Variants in CSNK1G3 observed in about 807,000 individuals in gnomAD.
The protein encoded by CSNK1G3 is casein kinase I isoform gamma-3.
A neutral mutation model predicts 64.3 loss-of-function variants in CSNK1G3; 23 were observed. The ratio of observed to expected loss-of-function variants is 0.36; its 90% CI spans 0.26 to 0.51. The LOEUF is 0.51. Among genes scored for constraint, CSNK1G3 ranks in the 20% least tolerant of loss-of-function variants. The pLI is 0.96. For synonymous variants in CSNK1G3, 158 were observed against 162.2 expected, an observed-to-expected ratio of 0.97 and a Z score of 0.20; for missense variants, 357 against 510.5, an observed-to-expected ratio of 0.70 and a Z score of 2.90.
At chr5:123,599,768 T>C (rs1333632418) in intron 10 of CSNK1G3, among the ~76,000 whole-genome samples, 1 of 152,138 alleles carries the variant, frequency 6.6e-6, no homozygotes, top group Non-Finnish European at 1.5e-5. Context: ...AGTATGGTTA[T>C]GTGCCTTTAT....
At chr5:123,516,124 C>T (rs1237383372) in intron 1 of CSNK1G3, among the ~76,000 whole-genome samples, 2 of 151,890 alleles carry the variant, frequency 1.3e-5, no homozygotes, top group Non-Finnish European at 2.9e-5. Context: ...TAGTATGTGT[C>T]TGAGTGTTGG....
At chr5:123,606,966 T>TA (rs1795470882) in intron 12 of CSNK1G3, among the ~76,000 whole-genome samples, 1 of 152,174 alleles carries the variant, frequency 6.6e-6, no homozygotes, top group Admixed American at 6.6e-5. Context: ...CTTGTAAAGA[T>TA]AAAGATTACT....
chr5:123,521,428 C>G (rs1778083664), intron 1 of CSNK1G3, among the ~76,000 whole-genome samples: 1 of 152,052 alleles, frequency 6.6e-6, no homozygotes, highest in African/African-American at 2.4e-5. Flanking sequence ...AAAATATAAT[C>G]AGCTCCTTAA....
At chr5:123,575,025 T>C (rs1373227635) in intron 5 of CSNK1G3, among the ~76,000 whole-genome samples, 1 of 152,210 alleles carries the variant, frequency 6.6e-6, no homozygotes, top group Non-Finnish European at 1.5e-5. Context: ...TAACCATGAT[T>C]ATCACTAAAT....
chr5:123,517,956 C>T (rs527528607), intron 1 of CSNK1G3, among the ~76,000 whole-genome samples: 30 of 149,312 alleles, frequency 2.0e-4, no homozygotes, highest in African/African-American at 6.1e-4. Flanking sequence ...AAAGGAAGAT[C>T]CTGTTATTCC....
chr5:123,523,412 C>T (rs1296099076), intron 1 of CSNK1G3, among the ~76,000 whole-genome samples: 2 of 152,142 alleles, frequency 1.3e-5, no homozygotes, highest in East Asian at 3.8e-4. Flanking sequence ...GGAACACCCT[C>T]AGCAGTTACA....
At chr5:123,612,520 C>T (rs542084780) in intron 12 of CSNK1G3, among the ~76,000 whole-genome samples, 59 of 151,562 alleles carry the variant, frequency 3.9e-4, no homozygotes, top group Non-Finnish European at 6.0e-4. Flanking sequence ...CTCTGTCGCC[C>T]AGGCTGGAGT....
At position 123,591,424 on chromosome 5, in the gene CSNK1G3, C is replaced by A; in HGVS notation, c.1086+10C>A. On this transcript the variant is annotated intron_variant, in intron 10 of 12. Coordinates refer to ENST00000345990, the Ensembl canonical transcript of CSNK1G3. ...ACAATCCAAAAACCAGGTTTGCTGC[C>A]CTTTAGATATGAAATACCTTCCTTT... 6.3e-7 allele frequency: 1 copy of A among 1,583,262 alleles called. No individual in the cohort carries two copies. The highest frequency in any genetic ancestry group is 8.6e-7 in the Non-Finnish European group (1 of 1,158,926).
At chr5:123,536,850 A>G (rs1780918036) in intron 1 of CSNK1G3, among the ~76,000 whole-genome samples, 1 of 152,154 alleles carries the variant, frequency 6.6e-6, no homozygotes, top group African/African-American at 2.4e-5. Context: ...CAGCATCACA[A>G]ATCATCAGGG....
chr5:123,613,376 A>G (rs1482593704), intron 12 of CSNK1G3, among the ~76,000 whole-genome samples: 1 of 150,348 alleles, frequency 6.7e-6, no homozygotes, highest in Non-Finnish European at 1.5e-5. Flanking sequence ...TCTCAAGGAG[A>G]TGGGGTAACA....
At chr5:123,558,173 T>A (rs931864368) in intron 4 of CSNK1G3, among the ~76,000 whole-genome samples, 4 of 152,140 alleles carry the variant, frequency 2.6e-5, no homozygotes, top group African/African-American at 7.2e-5. Context: ...ATGAAACTGA[T>A]TTCAGACTCT....
chr5:123,525,586 T>C (rs1778910887), intron 1 of CSNK1G3, among the ~76,000 whole-genome samples: 1 of 151,754 alleles, frequency 6.6e-6, no homozygotes, highest in African/African-American at 2.4e-5. Flanking sequence ...TGAGGCACCA[T>C]GCCTGGCAGT....
At chr5:123,530,403 G>A (rs2150083941) in intron 1 of CSNK1G3, among the ~76,000 whole-genome samples, 2 of 152,174 alleles carry the variant, frequency 1.3e-5, no homozygotes. Flanking sequence ...ATGTTTTGAT[G>A]ATACTCCTGT....
At chr5:123,534,123 G>A (rs1180864689) in intron 1 of CSNK1G3, among the ~76,000 whole-genome samples, 2 of 151,898 alleles carry the variant, frequency 1.3e-5, no homozygotes, top group Admixed American at 6.6e-5. Flanking sequence ...TAGGTTCAGG[G>A]ATCATAAAGT....
At chr5:123,562,882 T>A (rs548382667) in intron 4 of CSNK1G3, among the ~76,000 whole-genome samples, 115 of 152,164 alleles carry the variant, frequency 7.6e-4, no homozygotes, top group African/African-American at 2.8e-3. Context: ...CTTTAATTAT[T>A]AGAATTAACT....
intron 1 of CSNK1G3, among the ~76,000 whole-genome samples, chr5:123,518,530 G>A (rs1198489264): frequency 6.6e-6 from 1 of 152,188 alleles, no homozygotes; most frequent in African/African-American, 2.4e-5. Flanking sequence ...CCAGAGGATG[G>A]AATGGATCTC....
At chr5:123,526,674 C>G (rs1222958108) in intron 1 of CSNK1G3, among the ~76,000 whole-genome samples, 4 of 152,008 alleles carry the variant, frequency 2.6e-5, no homozygotes, top group African/African-American at 9.7e-5. Context: ...GTTATATAAC[C>G]TTTTGATTCT....
At chr5:123,519,187 G>A (rs1293318251) in intron 1 of CSNK1G3, among the ~76,000 whole-genome samples, 1 of 152,066 alleles carries the variant, frequency 6.6e-6, no homozygotes, top group Non-Finnish European at 1.5e-5. Flanking sequence ...CTGAGTAGCT[G>A]GGATTACAGG....
intron 12 of CSNK1G3, among the ~76,000 whole-genome samples, chr5:123,609,797 A>C (rs879631200): frequency 6.6e-6 from 1 of 152,202 alleles, no homozygotes; most frequent in Non-Finnish European, 1.5e-5. Context: ...ATGGAGAATG[A>C]GACTAAGAGG....
Sources: gnomAD v4.1 joint callset for allele counts (sites outside exome capture counted in the v4.1 genomes callset) on GRCh38, gnomAD v4.1.1 for gene constraint, MANE v1.5 for transcripts, NCBI Gene and HGNC (gene_info 2026-07-23, HGNC 2026-07-21) for gene names.